The following SMYD3 variants were observed in gnomAD, a reference collection of about 807,000 sequenced individuals.
SMYD3 encodes the protein SET and MYND domain containing 3, also known as histone-lysine N-methyltransferase SMYD3.
A neutral mutation model predicts 57.7 loss-of-function variants in SMYD3; 36 were observed. The observed-to-expected ratio is 0.62, with a 90% CI of 0.48 to 0.82. SMYD3 has a LOEUF of 0.82. Ranked by LOEUF, SMYD3 falls within the 40% of genes least tolerant of loss-of-function variation. SMYD3 has a pLI of 0.00. For missense variants in SMYD3, 515 were observed against 538.8 expected (o/e 0.96, Z 0.44); for synonymous variants, 211 against 195.0 (o/e 1.08, Z -0.68).
At chr1:246,152,792 G>C (rs2061962327) in intron 5 of SMYD3, among the ~76,000 whole-genome samples, 1 of 152,138 alleles carries the variant, frequency 6.6e-6, no homozygotes, top group Admixed American at 6.5e-5. Context: ...CTGTCACCCA[G>C]ATTTAACCTT....
intron 5 of SMYD3, among the ~76,000 whole-genome samples, chr1:246,098,692 A>G (rs1376622429): frequency 6.6e-6 from 1 of 152,220 alleles, no homozygotes; most frequent in Non-Finnish European, 1.5e-5. Flanking sequence ...GTGACATTGT[A>G]TTTAGAAAGT....
chr1:245,825,606 T>A (rs1437495162), intron 10 of SMYD3, among the ~76,000 whole-genome samples: 1 of 152,198 alleles, frequency 6.6e-6, no homozygotes, highest in African/African-American at 2.4e-5. Context: ...GTTCAGCTTT[T>A]AAAAATGCCT....
chr1:246,446,237 A>T (rs1402994115), intron 1 of SMYD3, among the ~76,000 whole-genome samples: 1 of 152,222 alleles, frequency 6.6e-6, no homozygotes, highest in Non-Finnish European at 1.5e-5. Context: ...CCAAACTGTG[A>T]AGCAGAATAT....
At chr1:246,421,380 T>C (rs1440914579) in intron 1 of SMYD3, among the ~76,000 whole-genome samples, 3 of 151,918 alleles carry the variant, frequency 2.0e-5, no homozygotes, top group Non-Finnish European at 4.4e-5. Flanking sequence ...TAAAAAGATC[T>C]CAAGACCCCC....
chr1:246,143,275 G>T (rs914360640), intron 5 of SMYD3, among the ~76,000 whole-genome samples: 2 of 152,142 alleles, frequency 1.3e-5, no homozygotes, highest in African/African-American at 4.8e-5. Flanking sequence ...TCTTCCCAAA[G>T]GCTTCAAAAC....
intron 10 of SMYD3, among the ~76,000 whole-genome samples, chr1:245,848,472 T>A (rs563602990): frequency 6.6e-6 from 1 of 152,050 alleles, no homozygotes; most frequent in South Asian, 2.1e-4. Flanking sequence ...AGTTGGAGCA[T>A]GTGGTGGTTC....
chr1:246,112,272 C>T (rs1027092086), intron 5 of SMYD3, among the ~76,000 whole-genome samples: 2 of 152,158 alleles, frequency 1.3e-5, no homozygotes, highest in Non-Finnish European at 2.9e-5. Context: ...GAGAAGCCAT[C>T]CATTTTCTTG....
At chr1:246,217,074 A>G (rs1201532430) in intron 5 of SMYD3, among the ~76,000 whole-genome samples, 2 of 152,136 alleles carry the variant, frequency 1.3e-5, no homozygotes, top group Non-Finnish European at 2.9e-5. Context: ...ACAGAGGGGG[A>G]TAATTTTTTT....
At position 246,350,622 on chromosome 1, in the gene SMYD3, C is replaced by T. The variant is rs1203464684; in HGVS notation, c.228+4409G>A. ...GAAACTGTTCACTGAGGCTGGAAAACATGAAGGGAAGTGGGTCTGGGGGAA... is the reference window on the plus strand; with the variant it reads ...GAAACTGTTCACTGAGGCTGGAAAATATGAAGGGAAGTGGGTCTGGGGGAA... On this transcript the variant is annotated intron_variant, in intron 2 of 11. Coordinates refer to ENST00000490107, the MANE Select transcript of SMYD3 (RefSeq NM_001167740.2). 4.0e-5 allele frequency among the ~76,000 whole-genome samples: 6 copies of T among 151,602 alleles called. No individual in the cohort carries two copies. The East Asian group carries it at 9.8e-4, about 25-fold the overall frequency.
At chr1:246,100,004 A>G (rs2060980950) in intron 5 of SMYD3, among the ~76,000 whole-genome samples, 1 of 152,180 alleles carries the variant, frequency 6.6e-6, no homozygotes, top group African/African-American at 2.4e-5. Context: ...GCTAGGATAT[A>G]TTTATCTAAT....
At chr1:246,091,882 T>C (rs1306803509) in intron 5 of SMYD3, among the ~76,000 whole-genome samples, 1 of 152,246 alleles carries the variant, frequency 6.6e-6, no homozygotes, top group Admixed American at 6.5e-5. Context: ...ATAGCCTTTC[T>C]ATTGGGCATG....
At chr1:246,505,507 C>G (rs1357927591) in intron 1 of SMYD3, among the ~76,000 whole-genome samples, 1 of 152,098 alleles carries the variant, frequency 6.6e-6, no homozygotes, top group African/African-American at 2.4e-5. Context: ...TATTATCAGG[C>G]GACAGAAGTG....
chr1:246,010,793 A>T (rs1318702474), intron 5 of SMYD3, among the ~76,000 whole-genome samples: 1 of 152,232 alleles, frequency 6.6e-6, no homozygotes, highest in Non-Finnish European at 1.5e-5. Flanking sequence ...GTGTCTATGG[A>T]TATCTGCGTC....
At chr1:245,770,024 G>A (rs1558318385) in intron 10 of SMYD3, among the ~76,000 whole-genome samples, 2 of 152,222 alleles carry the variant, frequency 1.3e-5, no homozygotes, top group African/African-American at 4.8e-5. Context: ...AGGGCCAACT[G>A]TATCTTCAGC....
intron 1 of SMYD3, among the ~76,000 whole-genome samples, chr1:246,443,419 C>T (rs549178110): frequency 6.6e-6 from 1 of 152,306 alleles, no homozygotes; most frequent in African/African-American, 2.4e-5. Flanking sequence ...CCTATAGAAT[C>T]AATATACATG....
chr1:246,479,008 A>G (rs1414448358), intron 1 of SMYD3, among the ~76,000 whole-genome samples: 2 of 150,552 alleles, frequency 1.3e-5, no homozygotes, highest in Non-Finnish European at 2.9e-5. Context: ...GTGCTCATAT[A>G]TGTACACCTG....
intron 7 of SMYD3, among the ~76,000 whole-genome samples, chr1:245,917,582 T>G (rs1244544543): frequency 2.0e-5 from 3 of 152,180 alleles, no homozygotes; most frequent in Non-Finnish European, 2.9e-5. Context: ...CTGCCCCGTT[T>G]ACTATGACAA....
chr1:246,471,495 C>T (rs2067962025), intron 1 of SMYD3, among the ~76,000 whole-genome samples: 1 of 152,172 alleles, frequency 6.6e-6, no homozygotes, highest in African/African-American at 2.4e-5. Flanking sequence ...CCATGCCTGG[C>T]CCCATATTTT....
intron 10 of SMYD3, among the ~76,000 whole-genome samples, chr1:245,818,188 C>T (rs1001246503): frequency 6.6e-6 from 1 of 152,208 alleles, no homozygotes; most frequent in African/African-American, 2.4e-5. Context: ...ATCAGACTAA[C>T]AGCGGATCTC....
Sources: allele counts gnomAD v4.1 joint callset (sites outside exome capture counted in the v4.1 genomes callset), GRCh38; gene constraint gnomAD v4.1.1; transcripts MANE v1.5; gene names NCBI Gene and HGNC (gene_info 2026-07-23, HGNC 2026-07-21).